Variants in EDIL3 observed in about 807,000 individuals in gnomAD.
EDIL3 encodes EGF-like repeat and discoidin I-like domain-containing protein 3.
Under a neutral mutation model 67.4 loss-of-function variants are expected in EDIL3, and 37 were observed. That is an observed-to-expected ratio of 0.55 (90% CI 0.42 to 0.72). The LOEUF (loss-of-function observed/expected upper bound fraction) is 0.72, where lower values mean the gene tolerates loss of function less well. Ranked by LOEUF, EDIL3 falls within the 30% of genes least tolerant of loss-of-function variation. The pLI, the probability that EDIL3 is intolerant of heterozygous loss-of-function variation, is 0.00. For synonymous variants in EDIL3, 195 were observed against 196.3 expected (o/e 0.99, Z 0.05); for missense variants, 527 against 586.3 (o/e 0.90, Z 1.04).
intron 4 of EDIL3, among the ~76,000 whole-genome samples, chr5:84,176,923 T>C (rs1426630279): frequency 6.6e-6 from 1 of 152,096 alleles, no homozygotes; most frequent in Non-Finnish European, 1.5e-5. Context: ...GGACATCTAA[T>C]AGCTGAAATC....
chr5:84,011,393 A>G (rs1745514804), intron 9 of EDIL3, among the ~76,000 whole-genome samples: 1 of 152,108 alleles, frequency 6.6e-6, no homozygotes, highest in African/African-American at 2.4e-5. Context: ...CTCCATTACT[A>G]TCACCCAAGT....
intron 1 of EDIL3, among the ~76,000 whole-genome samples, chr5:84,260,089 C>G (rs1345545844): frequency 9.9e-5 from 15 of 152,092 alleles, no homozygotes; most frequent in Admixed American, 9.8e-4. Flanking sequence ...TGTTTGTCTC[C>G]AGTACACATA....
At chr5:84,323,551 A>C (rs1746691600) in intron 1 of EDIL3, among the ~76,000 whole-genome samples, 1 of 151,932 alleles carries the variant, frequency 6.6e-6, no homozygotes, top group Non-Finnish European at 1.5e-5. Flanking sequence ...AAATTACAGA[A>C]ATATATCCCT....
At chr5:84,234,637 A>T (rs1294602548) in intron 2 of EDIL3, among the ~76,000 whole-genome samples, 2 of 152,170 alleles carry the variant, frequency 1.3e-5, no homozygotes, top group African/African-American at 4.8e-5. Context: ...TTTTACACCC[A>T]GTGTGGCTTA....
At chr5:84,358,834 T>G (rs1476524307) in intron 1 of EDIL3, among the ~76,000 whole-genome samples, 1 of 151,924 alleles carries the variant, frequency 6.6e-6, no homozygotes, top group Non-Finnish European at 1.5e-5. Context: ...ATGGTCTTGA[T>G]CTCCTGACCT....
At chr5:84,365,772 C>T (rs951307779) in intron 1 of EDIL3, among the ~76,000 whole-genome samples, 4 of 152,132 alleles carry the variant, frequency 2.6e-5, no homozygotes, top group African/African-American at 9.7e-5. Context: ...CTCAGAATAA[C>T]TTTCCCCTTT....
intron 4 of EDIL3, among the ~76,000 whole-genome samples, chr5:84,176,087 T>C (rs570956413): frequency 8.6e-5 from 13 of 150,790 alleles, no homozygotes; most frequent in South Asian, 6.3e-4. Flanking sequence ...ATCACTAATA[T>C]ACAATTAAGA....
chr5:84,113,271 T>C (rs2112290195), intron 5 of EDIL3, among the ~76,000 whole-genome samples: 1 of 152,284 alleles, frequency 6.6e-6, no homozygotes, highest in South Asian at 2.1e-4. Context: ...CTTGCTTTTG[T>C]CAGGTACGAC....
intron 9 of EDIL3, among the ~76,000 whole-genome samples, chr5:84,039,834 A>G (rs1746088015): frequency 6.6e-6 from 1 of 152,024 alleles, no homozygotes; most frequent in Non-Finnish European, 1.5e-5. Flanking sequence ...AAATAAAATA[A>G]AATAAAATAT....
Position 84,254,110 on chromosome 5 carries a change from G to C in EDIL3, c.170C>G (p.Pro57Arg). Residue 57 changes from proline to arginine, a missense_variant, in exon 2 of 11, where the codon CCC becomes CGC. This residue lies in a region of EDIL3 where 494 missense variants were observed against 522.5 expected (regional missense o/e 0.95). Transcript: ENST00000296591. ...SCECPDGFTD[P>R]NCSSVVEVAS... ...AACCTCCACAACACTAGAACAGTTG[G>C]GGTCTGTGAAGCCATCTGGACACTC... is the stretch of plus-strand genomic sequence containing the variant. 1 of 1,611,082 alleles carries C rather than the reference G, an allele frequency of 6.2e-7. No individual in the cohort carries two copies. The highest frequency in any genetic ancestry group is 8.5e-7 in the Non-Finnish European group (1 of 1,178,634).
intron 4 of EDIL3, among the ~76,000 whole-genome samples, chr5:84,171,150 T>A (rs915521923): frequency 2.6e-5 from 4 of 152,176 alleles, no homozygotes; most frequent in African/African-American, 9.7e-5. Context: ...TTCATGAGTA[T>A]AATCTTCTGG....
At chr5:84,317,460 A>G (rs527303990) in intron 1 of EDIL3, among the ~76,000 whole-genome samples, 3 of 151,686 alleles carry the variant, frequency 2.0e-5, no homozygotes, top group Admixed American at 6.6e-5. Context: ...AGAATACTAT[A>G]AACACCTGTA....
chr5:84,158,276 C>T (rs1009731341), intron 4 of EDIL3, among the ~76,000 whole-genome samples: 6 of 151,978 alleles, frequency 3.9e-5, no homozygotes, highest in Non-Finnish European at 5.9e-5. Flanking sequence ...TACCAATTTA[C>T]CTCTTAGCTC....
chr5:84,133,789 A>T lies in EDIL3; in HGVS notation c.469+3452T>A, dbSNP rs183756960. The stretch of plus-strand genomic sequence containing the variant: ...ATATAAAAATAATAAAACTTAACCA[A>T]ACCTTGTAATAAATAAATAAATAAA... On this transcript the variant is annotated intron_variant, in intron 5 of 10. Coordinates refer to ENST00000296591, the MANE Select transcript of EDIL3 (RefSeq NM_005711.5). Among the ~76,000 whole-genome samples the T allele has an allele frequency of 2.9e-3, 435 of 152,096 alleles. 2 individuals are homozygous for T. The highest frequency in any genetic ancestry group is 3.3e-3 in the Non-Finnish European group (223 of 67,968).
At chr5:84,304,000 A>G (rs1451194545) in intron 1 of EDIL3, among the ~76,000 whole-genome samples, 2 of 152,086 alleles carry the variant, frequency 1.3e-5, no homozygotes, top group Admixed American at 1.3e-4. Flanking sequence ...ATCCATATAA[A>G]TTTATAATAT....
At chr5:84,192,654 G>A (rs192657198) in intron 3 of EDIL3, among the ~76,000 whole-genome samples, 138 of 152,036 alleles carry the variant, frequency 9.1e-4, no homozygotes, top group African/African-American at 3.1e-3. Flanking sequence ...TAGTTATTCA[G>A]TTTATATTTA....
intron 1 of EDIL3, among the ~76,000 whole-genome samples, chr5:84,343,681 G>T (rs1747173112): frequency 6.6e-6 from 1 of 151,966 alleles, no homozygotes; most frequent in East Asian, 1.9e-4. Flanking sequence ...GGCTATACAT[G>T]TATTTATTCT....
At chr5:84,213,380 C>A (rs1242406329) in intron 3 of EDIL3, among the ~76,000 whole-genome samples, 1 of 152,182 alleles carries the variant, frequency 6.6e-6, no homozygotes, top group African/African-American at 2.4e-5. Flanking sequence ...TCCCAACACA[C>A]TTAAACACTA....
At chr5:84,022,017 T>C (rs540526087) in intron 9 of EDIL3, among the ~76,000 whole-genome samples, 2 of 152,066 alleles carry the variant, frequency 1.3e-5, no homozygotes, top group South Asian at 2.1e-4. Flanking sequence ...TTCCAAATAA[T>C]TGAAGACGAG....
Sources: allele counts gnomAD v4.1 joint callset (sites outside exome capture counted in the v4.1 genomes callset), GRCh38; gene constraint gnomAD v4.1.1; regional missense constraint gnomAD v4.1.1; transcripts MANE v1.5; gene names NCBI Gene and HGNC (gene_info 2026-07-23, HGNC 2026-07-21).